The following DYNAP variants were observed in gnomAD, a reference collection of about 807,000 sequenced individuals.
The protein encoded by DYNAP is dynactin associated protein.
A neutral mutation model predicts 8.5 loss-of-function variants in DYNAP; 7 were observed. The ratio of observed to expected loss-of-function variants is 0.82; its 90% CI spans 0.47 to 1.54. DYNAP has a LOEUF of 1.54. Among genes scored for constraint, DYNAP ranks in the 40% most tolerant of loss-of-function variants. The pLI, the probability that DYNAP is intolerant of heterozygous loss-of-function variation, is 0.01. For synonymous variants in DYNAP, 77 were observed against 77.9 expected, an observed-to-expected ratio of 0.99 and a Z score of 0.06; for missense variants, 256 against 224.3, an observed-to-expected ratio of 1.14 and a Z score of -0.90.
upstream of DYNAP, among the ~76,000 whole-genome samples, chr18:54,585,577 T>C (rs564675241): frequency 6.6e-6 from 1 of 152,294 alleles, no homozygotes; most frequent in South Asian, 2.1e-4. Context: ...GATGTGAACT[T>C]GCCTCTTCCA....
At chr18:54,583,098 G>A (rs964412728), upstream of DYNAP, among the ~76,000 whole-genome samples, 2 of 151,978 alleles carry the variant, frequency 1.3e-5, no homozygotes, top group Admixed American at 1.3e-4. Flanking sequence ...GCACACCTTA[G>A]GAAAACAGAA....
intron 1 of DYNAP, 40 bp downstream of exon 1, chr18:54,591,379 A>G: frequency 6.4e-7 from 1 of 1,564,106 alleles, no homozygotes; most frequent in Non-Finnish European, 8.7e-7. Flanking sequence ...TGCCTATATT[A>G]CAGTTTCATT....
chr18:54,595,724 A>T (rs1279159263), intron 2 of DYNAP, among the ~76,000 whole-genome samples: 1 of 152,068 alleles, frequency 6.6e-6, no homozygotes, highest in African/African-American at 2.4e-5. Context: ...TCACGACTGT[A>T]TCTTTAAGTC....
At chr18:54,597,245 G>A (rs979991510) in intron 2 of DYNAP, among the ~76,000 whole-genome samples, 1 of 152,054 alleles carries the variant, frequency 6.6e-6, no homozygotes, top group Non-Finnish European at 1.5e-5. Flanking sequence ...AGGGGTGAGA[G>A]AGGAAAGAAT....
the DYNAP span, among the ~76,000 whole-genome samples, chr18:54,577,731 A>G: frequency 3.3e-5 from 5 of 151,632 alleles, no homozygotes; most frequent in Non-Finnish European, 7.4e-5. Flanking sequence ...GCACTTTGGG[A>G]GGCCGAGGCG....
upstream of DYNAP, among the ~76,000 whole-genome samples, chr18:54,583,237 ACTC>A (rs1208002412): frequency 1.3e-5 from 2 of 151,492 alleles, no homozygotes; most frequent in South Asian, 2.1e-4. Context: ...GCTGCAGAAA[ACTC>A]CTGCCAAGCC....
At chr18:54,597,703 CAT>C in intron 2 of DYNAP, 108 bp from the exon 3 acceptor site, 1 of 1,096,732 alleles carries the variant, frequency 9.1e-7, no homozygotes, top group Admixed American at 2.6e-5. Context: ...TTCAGAGACA[CAT>C]AGTGACTCAA....
chr18:54,587,073 C>A (rs1016454639), upstream of DYNAP, among the ~76,000 whole-genome samples: 1 of 152,034 alleles, frequency 6.6e-6, no homozygotes, highest in African/African-American at 2.4e-5. Flanking sequence ...GCATAGCCTC[C>A]CCCATCATCA....
chr18:54,595,248 T>A, intron 2 of DYNAP, 145 bp downstream of exon 2: 1 of 922,330 alleles, frequency 1.1e-6, no homozygotes, highest in Non-Finnish European at 1.5e-6. Context: ...TCAGTATAGG[T>A]ACAAGTCACT....
At chr18:54,584,031 A>G (rs1305787278), upstream of DYNAP, among the ~76,000 whole-genome samples, 2 of 151,480 alleles carry the variant, frequency 1.3e-5, no homozygotes, top group Non-Finnish European at 2.9e-5. Context: ...AGAAAAAGTG[A>G]AAAAAAACAG....
chr18:54,577,016 G>A, the DYNAP span, among the ~76,000 whole-genome samples: 3 of 152,038 alleles, frequency 2.0e-5, no homozygotes, highest in African/African-American at 7.2e-5. Context: ...GAGTATCTTT[G>A]GATGTATATG....
rs775078783 is a variant in DYNAP at position 54,595,016 on chromosome 18, T to C, written c.135T>C (p.Asp45=). ...TACCTTCAAATGATATAACCAGTGATGTCTCTCCCAACTTAACTGGGGTCT... is the reference window on the plus strand; with the variant it reads ...TACCTTCAAATGATATAACCAGTGACGTCTCTCCCAACTTAACTGGGGTCT... The part of the protein sequence containing the change: ...WCLPSNDITS[D]VSPNLTGVCV... Residue 45 remains aspartate (D), a synonymous_variant, in exon 2 of 3, where the codon GAT becomes GAC. Transcript: ENST00000648945. 12 of 1,612,958 alleles carry C rather than the reference T, an allele frequency of 7.4e-6. No individual in the cohort carries two copies. In the Admixed American group the frequency reaches 2.0e-4, roughly 27 times the overall value.
chr18:54,578,236 G>A, the DYNAP span, among the ~76,000 whole-genome samples: 1 of 152,172 alleles, frequency 6.6e-6, no homozygotes, highest in Non-Finnish European at 1.5e-5. Flanking sequence ...ATGATAGCAA[G>A]AGCAAGAAAG....
At chr18:54,594,109 A>C (rs1911189983) in intron 1 of DYNAP, among the ~76,000 whole-genome samples, 1 of 152,010 alleles carries the variant, frequency 6.6e-6, no homozygotes. Flanking sequence ...TCTTTTTCTG[A>C]ATAATTTACA....
chr18:54,597,581 T>C (rs1911349300), intron 2 of DYNAP, among the ~76,000 whole-genome samples: 1 of 151,948 alleles, frequency 6.6e-6, no homozygotes, highest in African/African-American at 2.4e-5. Context: ...AAAAGACAAA[T>C]GGAAAATAGA....
intron 2 of DYNAP, 55 bp downstream of exon 2, chr18:54,595,158 T>G (rs1449022275): frequency 2.0e-6 from 3 of 1,494,942 alleles, no homozygotes; most frequent in Non-Finnish European, 2.7e-6. Flanking sequence ...TATATGGGCA[T>G]GTACTTTGCC....
upstream of DYNAP, among the ~76,000 whole-genome samples, chr18:54,590,447 A>T (rs560834187): frequency 2.6e-5 from 4 of 152,284 alleles, no homozygotes; most frequent in South Asian, 8.3e-4. Context: ...TACAAGCTGA[A>T]GGTATTGAAT....
At position 54,594,743 on chromosome 18, in the gene DYNAP, T is replaced by G. The variant is rs376399716; in HGVS notation, c.58-196T>G. ...AGGATACACATTCCTGAACTAGAAC[T>G]TTAGTAGCCTACCAAAATTAGTTAA... On this transcript the variant is annotated intron_variant, in intron 1 of 2. Transcript: ENST00000648945. Among the ~76,000 whole-genome samples the G allele has an allele frequency of 3.9e-5, 6 of 152,136 alleles. No homozygotes were observed. The East Asian group carries it at 1.2e-3, about 29-fold the overall frequency.
At chr18:54,590,323 T>C (rs1911021074), upstream of DYNAP, among the ~76,000 whole-genome samples, 1 of 152,198 alleles carries the variant, frequency 6.6e-6, no homozygotes, top group South Asian at 2.1e-4. Flanking sequence ...TTCATCTGTG[T>C]TGTAGCAAAT....
Sources: allele counts gnomAD v4.1 joint callset (sites outside exome capture counted in the v4.1 genomes callset), GRCh38; gene constraint gnomAD v4.1.1; transcripts MANE v1.5; gene names NCBI Gene and HGNC (gene_info 2026-07-23, HGNC 2026-07-21).